ZNF208: variants seen among roughly 807,000 people sequenced by gnomAD.
ZNF208 encodes the protein zinc finger protein 95.
Under a neutral mutation model 12.1 loss-of-function variants are expected in ZNF208, and 10 were observed. The ratio of observed to expected loss-of-function variants is 0.83; its 90% CI spans 0.51 to 1.40. ZNF208 has a LOEUF of 1.40. Ranked by LOEUF, ZNF208 falls within the 40% of genes most tolerant of loss-of-function variation. The pLI is 0.00. For missense variants in ZNF208, 1,652 were observed against 1,485.0 expected (o/e 1.11, Z -1.85); for synonymous variants, 497 against 488.4 (o/e 1.02, Z -0.23).
At position 21,974,140 on chromosome 19, in the gene ZNF208, C is replaced by A. The variant is rs571560065; in HGVS notation, c.894G>T (p.Ser298=). Residue 298 remains serine, a synonymous_variant, in exon 4 of 4, where the codon TCG becomes TCT. Coordinates refer to ENST00000397126, the MANE Select transcript of ZNF208 (RefSeq NM_007153.3). ...EECGKAFSKV[S]TLTTHKAIHA... The stretch of plus-strand genomic sequence containing the variant: ...GAATTGCCTTATGTGTAGTAAGAGT[C>A]GAGACCTTACTAAAGGCTTTGCCAC... 19 of 1,590,796 alleles carry A rather than the reference C, an allele frequency of 1.2e-5. No individual in the cohort carries two copies. In the East Asian group the frequency reaches 3.2e-4, roughly 27 times the overall value.
At position 21,967,793 on chromosome 19, in the gene ZNF208, G is replaced by A. The variant is rs1970199713; in HGVS notation, c.*3398C>T. 1 of 152,084 alleles carries A rather than the reference G, an allele frequency of 6.6e-6. No homozygotes were observed. The highest frequency in any genetic ancestry group is 6.6e-5 in the Admixed American group (1 of 15,256). 9.4% of individuals were successfully genotyped at this position (152,084 alleles called of 1,614,324 possible). A position where few individuals can be genotyped will look rare whatever the true frequency, so the allele number is the denominator to read the frequency against. The stretch of plus-strand genomic sequence containing the variant: ...TTTCTAATTCAATAAAAATCGTCAT[G>A]GATAGTCTGATAAAAATAGCACTTA... On this transcript the variant is annotated 3_prime_UTR_variant, in exon 4 of 4. Coordinates refer to ENST00000397126, the MANE Select transcript of ZNF208 (RefSeq NM_007153.3).
At chr19:21,952,710 G>A (rs769709092) in intron 4 of ZNF208, among the ~76,000 whole-genome samples, 3 of 152,210 alleles carry the variant, frequency 2.0e-5, no homozygotes, top group Non-Finnish European at 4.4e-5. Flanking sequence ...CAAAGATGGG[G>A]AGAAACCAGA....
At position 21,973,464 on chromosome 19, in the gene ZNF208, G is replaced by A. The variant is rs963860938; in HGVS notation, c.1570C>T (p.Pro524Ser). The change falls in exon 4 of 4, where the codon CCC becomes TCC. Residue 524 changes from proline to serine, a missense_variant. By Grantham distance (74) the Pro-to-Ser change is moderately conservative. Transcript: ENST00000397126. The stretch of plus-strand genomic sequence containing the variant: ...TTGCCACATTCTTCACATTTGTAGG[G>A]TTTCTCTCCAGTATGAATTCTCTTA... ...EHKRIHTGEK[P>S]YKCEECGKSF... The A allele has an allele frequency of 2.5e-6, 4 of 1,612,750 alleles. No homozygotes were observed. The African/African-American group carries it at 5.4e-5, about 22-fold the overall frequency.
At position 21,971,218 on chromosome 19, in the gene ZNF208, C is replaced by T; in HGVS notation, c.3816G>A (p.Lys1272=). 1 of 1,611,558 alleles carries T rather than the reference C, an allele frequency of 6.2e-7. No individual in the cohort carries two copies. The highest frequency in any genetic ancestry group is 8.5e-7 in the Non-Finnish European group (1 of 1,179,590). Residue 1272 remains lysine (K), a synonymous_variant, in exon 4 of 4, where the codon AAG becomes AAA. Coordinates refer to ENST00000397126, the MANE Select transcript of ZNF208 (RefSeq NM_007153.3). The part of the protein sequence containing the change: ...FSWLSVFSKH[K]KIHTGEKL ...AGAGTTTCTCTCCAGTATGAATTTT[C>T]TTATGTTTACTGAAGACTGATAACC...
chr19:21,992,329 A>AT (rs753700405), intron 1 of ZNF208, among the ~76,000 whole-genome samples: 2 of 152,234 alleles, frequency 1.3e-5, no homozygotes, highest in African/African-American at 4.8e-5. Flanking sequence ...TGAAAGGTAA[A>AT]TTATAGTCTG....
At chr19:22,005,722 TCAGCAGAACA>T (rs1971031600) in intron 1 of ZNF208, among the ~76,000 whole-genome samples, 1 of 152,112 alleles carries the variant, frequency 6.6e-6, no homozygotes, top group African/African-American at 2.4e-5. Flanking sequence ...CTCACAGAAC[TCAGCAGAACA>T]CTAGTTATAC....
chr19:21,961,490 A>G (rs141787730), downstream of ZNF208, among the ~76,000 whole-genome samples: 110 of 152,286 alleles, frequency 7.2e-4, no homozygotes, highest in African/African-American at 2.6e-3. Context: ...TTTGATAAAC[A>G]TCCTAAACAA....
At position 21,988,778 on chromosome 19, in the gene ZNF208, C is replaced by T; in HGVS notation, c.130+5G>A. On this transcript the variant is annotated splice_donor_5th_base_variant and intron_variant, in intron 2 of 3. Transcript: ENST00000397126. ...CTAGGAATTGCGTATTAAAGTTATTCTCACCCAGGAAGACCAGGTTTCTGT... is the reference window on the plus strand; with the variant it reads ...CTAGGAATTGCGTATTAAAGTTATTTTCACCCAGGAAGACCAGGTTTCTGT... The T allele has an allele frequency of 6.2e-7, 1 of 1,614,038 alleles. No individual in the cohort carries two copies. Among genetic ancestry groups the T allele is most frequent in the Non-Finnish European group, 8.5e-7 (1 of 1,179,954 alleles).
intron 1 of ZNF208, among the ~76,000 whole-genome samples, chr19:22,008,751 T>A (rs572791439): frequency 6.6e-6 from 1 of 152,142 alleles, no homozygotes; most frequent in East Asian, 1.9e-4. Context: ...CACTAATATC[T>A]CAAGGGGTTA....
At chr19:21,945,335 A>C (rs899168507) in intron 4 of ZNF208, among the ~76,000 whole-genome samples, 2 of 152,142 alleles carry the variant, frequency 1.3e-5, no homozygotes, top group African/African-American at 4.8e-5. Context: ...CTTTGCAATA[A>C]ATTACTTTAT....
In ZNF208 at chr19:21,970,862, T is replaced by C; in HGVS notation, c.*329A>G. The C allele has an allele frequency of 1.3e-6, 2 of 1,509,764 alleles. No homozygotes were observed. The highest frequency in any genetic ancestry group is 1.7e-5 in the Admixed American group (1 of 59,420). The allele number at this position is 1,509,764 out of a possible 1,614,324, so 93.5% of individuals were successfully genotyped here. A position where few individuals can be genotyped will look rare whatever the true frequency, so the allele number is the denominator to read the frequency against. On this transcript the variant is annotated 3_prime_UTR_variant, in exon 4 of 4. Coordinates refer to ENST00000397126, the MANE Select transcript of ZNF208 (RefSeq NM_007153.3). ...TGCCACTTTCTTCACATTTGTAGGG[T>C]TTCTCTCCAGTATGAATTTTCTATG... is the stretch of plus-strand genomic sequence containing the variant.
chr19:21,960,804 G>C (rs1970053650), intron 4 of ZNF208, among the ~76,000 whole-genome samples: 1 of 152,182 alleles, frequency 6.6e-6, no homozygotes. Flanking sequence ...ACTAGAAAAA[G>C]ATGCACACTC....
intron 4 of ZNF208, among the ~76,000 whole-genome samples, chr19:21,950,491 C>CTT (rs59845229): frequency 0.037 from 5,148 of 137,760 alleles, 262 homozygotes; most frequent in African/African-American, 0.11. Context: ...TAGCCCTGTT[C>CTT]TTTTTTTTTT....
At chr19:21,977,280 G>A (rs1183059841) in intron 3 of ZNF208, among the ~76,000 whole-genome samples, 1 of 152,208 alleles carries the variant, frequency 6.6e-6, no homozygotes, top group Non-Finnish European at 1.5e-5. Flanking sequence ...AATAGAGGAG[G>A]CTGCCAAGAT....
chr19:21,997,432 G>C (rs1465670565), intron 1 of ZNF208, among the ~76,000 whole-genome samples: 2 of 152,018 alleles, frequency 1.3e-5, no homozygotes, highest in African/African-American at 4.8e-5. Context: ...GTGTTGATTC[G>C]GGTGCTATCT....
Position 21,974,204 on chromosome 19 carries a change from A to G in ZNF208, c.830T>C (p.Ile277Thr). 1 of 1,601,584 alleles carries G rather than the reference A, an allele frequency of 6.2e-7. No homozygotes were observed. The highest frequency in any genetic ancestry group is 8.5e-7 in the Non-Finnish European group (1 of 1,170,762). ...NQSAILTKHK[I>T]IHTGEKPNKC... Reference sequence around the variant, plus strand: ...GTTGGGTTTCTCTCCAGTATGAATTATCTTATGTTTAGTAAGGATTGCAGA... The same window carrying G: ...GTTGGGTTTCTCTCCAGTATGAATTGTCTTATGTTTAGTAAGGATTGCAGA... The change falls in exon 4 of 4, where the codon ATA becomes ACA. Residue 277 changes from isoleucine to threonine, a missense_variant. Physicochemically the swap from Ile to Thr is moderately conservative, Grantham distance 89. Transcript: ENST00000397126.
chr19:21,973,441 G>C lies in ZNF208; in HGVS notation c.1593C>G (p.Gly531=). ...GEKPYKCEEC[G]KSFSTFSILT... ...GGATTGAGAATGTACTGAAGCTTTT[G>C]CCACATTCTTCACATTTGTAGGGTT... The change falls in exon 4 of 4, where the codon GGC becomes GGG. Residue 531 remains glycine (G), a synonymous_variant. Coordinates refer to ENST00000397126, the MANE Select transcript of ZNF208 (RefSeq NM_007153.3). 5 of 1,612,806 alleles carry C rather than the reference G, an allele frequency of 3.1e-6. No homozygotes were observed. Among genetic ancestry groups the C allele is most frequent in the Non-Finnish European group, 3.4e-6 (4 of 1,179,836 alleles).
At chr19:22,001,910 A>AAAAAAAAAAAAG (rs1970959232) in intron 1 of ZNF208, among the ~76,000 whole-genome samples, 1 of 137,562 alleles carries the variant, frequency 7.3e-6, no homozygotes, top group African/African-American at 2.7e-5. Flanking sequence ...AAAAAAAAAA[A>AAAAAAAAAAAAG]AAAAAAAAAA....
Position 21,959,571 on chromosome 19 carries a change from C to T in ZNF208, c.305+15158G>A, listed in dbSNP as rs536505737. Among the ~76,000 whole-genome samples, 26 of 152,250 alleles carry T rather than the reference C, an allele frequency of 1.7e-4. No individual in the cohort carries two copies. The South Asian group carries it at 5.2e-3, about 30-fold the overall frequency. ...CTCAGCACACTCACTTGAATGATCC[C>T]TTTGTTTTTCAGGCAGTAAAAATGC... is the stretch of plus-strand genomic sequence containing the variant. On this transcript the variant is annotated intron_variant, in intron 4 of 4. Coordinates refer to the ZNF208 transcript ENST00000599916.
Sources: gnomAD v4.1 joint callset for allele counts (sites outside exome capture counted in the v4.1 genomes callset) on GRCh38, gnomAD v4.1.1 for gene constraint, MANE v1.5 for transcripts, NCBI Gene and HGNC (gene_info 2026-07-23, HGNC 2026-07-21) for gene names.